The following PCDHGB3 variants were observed in gnomAD, a reference collection of about 807,000 sequenced individuals.
The protein encoded by PCDHGB3 is protocadherin gamma-B3.
In PCDHGB3, 40 loss-of-function variants were observed where a neutral mutation model predicts 59.2. The observed-to-expected ratio is 0.68, with a 90% confidence interval of 0.52 to 0.88. The LOEUF (loss-of-function observed/expected upper bound fraction) is 0.88. PCDHGB3 is among the 40% of genes least tolerant of loss of function. The probability of loss-of-function intolerance (pLI) is 0.00; values close to 1 mark genes in which losing one functional copy is unlikely to be tolerated. For synonymous variants in PCDHGB3, 581 were observed against 503.6 expected (o/e 1.15, Z -2.06); for missense variants, 1,309 against 1,187.9 (o/e 1.10, Z -1.50).
At chr5:141,480,511 A>G (rs2099520888) in intron 1 of PCDHGB3, among the ~76,000 whole-genome samples, 1 of 127,378 alleles carries the variant, frequency 7.9e-6, no homozygotes, top group African/African-American at 3.6e-5. Context: ...ATATGAGAAC[A>G]ACCAAAAATG....
chr5:141,413,262 G>A (rs2095621152), intron 1 of PCDHGB3: 2 of 1,613,960 alleles, frequency 1.2e-6, no homozygotes, highest in South Asian at 1.1e-5. Context: ...TTCCATGGGA[G>A]GCTGGAGCCC....
intron 1 of PCDHGB3, among the ~76,000 whole-genome samples, chr5:141,437,076 A>G (rs1018228245): frequency 6.6e-6 from 1 of 152,236 alleles, no homozygotes; most frequent in African/African-American, 2.4e-5. Flanking sequence ...TTTGGGCCAT[A>G]TAAGAATTGA....
At chr5:141,458,308 A>G (rs1363472724) in intron 1 of PCDHGB3, among the ~76,000 whole-genome samples, 1 of 152,196 alleles carries the variant, frequency 6.6e-6, no homozygotes, top group Non-Finnish European at 1.5e-5. Context: ...AGATAAAATG[A>G]CACAGACACA....
Position 141,487,830 on chromosome 5 carries a change from T to C in PCDHGB3, c.2416-6977T>C, listed in dbSNP as rs1410090651. On this transcript the variant is annotated intron_variant, in intron 1 of 3. Transcript: ENST00000576222. This position sits in a 1 kb window ranked among gnomAD's most constrained non-coding sequence, Gnocchi z 5.0. ...TTTAGCATTGGGGGCGGGTCATGCC[T>C]ATATCTGAGTAAGAAATGAAAGTAA... The C allele has an allele frequency of 3.5e-6, 4 of 1,139,942 alleles. No homozygotes were observed. The highest frequency in any genetic ancestry group is 1.6e-5 in the African/African-American group (1 of 63,734). The allele number at this position is 1,139,942 out of a possible 1,614,324, so 70.6% of individuals were successfully genotyped here.
intron 1 of PCDHGB3, among the ~76,000 whole-genome samples, chr5:141,464,885 G>T (rs1592925315): frequency 6.6e-6 from 1 of 152,020 alleles, no homozygotes; most frequent in East Asian, 1.9e-4. Flanking sequence ...ACTACAGATG[G>T]ATGCCACCAT....
rs756252337 is a variant in PCDHGB3, at chr5:141,413,183, C to T, written c.2415+40374C>T. The T allele has an allele frequency of 3.7e-6, 6 of 1,605,222 alleles. No individual in the cohort carries two copies. The Admixed American group carries it at 1.0e-4, about 27-fold the overall frequency. Reference sequence around the variant, plus strand: ...TTCTGTAACCAGACTACAATGGCCGCTCAAAGGAATCGCTCAAAGGAATCA... The same window carrying T: ...TTCTGTAACCAGACTACAATGGCCGTTCAAAGGAATCGCTCAAAGGAATCA... On this transcript the variant is annotated intron_variant, in intron 1 of 3. Transcript: ENST00000576222.
chr5:141,505,343 G>C (rs2099845454), intron 2 of PCDHGB3, 50 bp from the exon 3 acceptor site: 1 of 1,612,934 alleles, frequency 6.2e-7, no homozygotes, highest in Non-Finnish European at 8.5e-7. Context: ...GGAGGGGCAT[G>C]AGCTGTGCCG....
rs1377364370 is a variant in PCDHGB3, at chr5:141,477,489, C to T, written c.2416-17318C>T. 1 of 1,614,048 alleles carries T rather than the reference C, an allele frequency of 6.2e-7. No homozygotes were observed. Among genetic ancestry groups the T allele is most frequent in the Non-Finnish European group, 8.5e-7 (1 of 1,180,044 alleles). On this transcript the variant is annotated intron_variant, in intron 1 of 3. Coordinates refer to ENST00000576222, the MANE Select transcript of PCDHGB3 (RefSeq NM_018924.5). This position sits in a 1 kb window ranked among gnomAD's most constrained non-coding sequence, Gnocchi z 4.9. ...ATCAATGACAACCCTCCACAATCTT[C>T]TCAATCTTCCTACGACGTTTACATT...
Position 141,478,335 on chromosome 5 carries a change from C to T in PCDHGB3, c.2416-16472C>T, listed in dbSNP as rs202213361. On this transcript the variant is annotated intron_variant, in intron 1 of 3. Coordinates refer to ENST00000576222, the MANE Select transcript of PCDHGB3 (RefSeq NM_018924.5). ...AGCTCACTGTACCGAACACCAGGGC[C>T]CTCCTTGCACGCGGACGCCGTGCGG... 4.7e-5 allele frequency: 76 copies of T among 1,613,822 alleles called. No individual in the cohort carries two copies. The highest frequency in any genetic ancestry group is 6.1e-5 in the Non-Finnish European group (72 of 1,180,028).
At chr5:141,428,241 A>C (rs1416124194) in intron 1 of PCDHGB3, 1 of 961,518 alleles carries the variant, frequency 1.0e-6, no homozygotes, top group Admixed American at 2.0e-5. Flanking sequence ...TGCAGGAGGC[A>C]CTGCCAGACT....
chr5:141,397,379 T>C (rs1470838357), intron 1 of PCDHGB3, among the ~76,000 whole-genome samples: 1 of 152,206 alleles, frequency 6.6e-6, no homozygotes, highest in East Asian at 1.9e-4. Context: ...TGGGGATTGG[T>C]ATAAAATTGC....
At chr5:141,461,190 T>C (rs2099010725) in intron 1 of PCDHGB3, among the ~76,000 whole-genome samples, 1 of 152,142 alleles carries the variant, frequency 6.6e-6, no homozygotes, top group Non-Finnish European at 1.5e-5. Context: ...TAGATCTGTT[T>C]TTTGCTCTTT....
intron 1 of PCDHGB3, among the ~76,000 whole-genome samples, chr5:141,401,385 T>A (rs965055223): frequency 6.6e-6 from 1 of 152,182 alleles, no homozygotes; most frequent in Non-Finnish European, 1.5e-5. Flanking sequence ...AGAAAAATAC[T>A]ACATGTTATG....
intron 1 of PCDHGB3, among the ~76,000 whole-genome samples, chr5:141,481,675 C>T (rs943204061): frequency 4.0e-5 from 6 of 151,490 alleles, no homozygotes; most frequent in Non-Finnish European, 5.9e-5. Context: ...AAAATCAGGC[C>T]GGGCCTGGTG....
chr5:141,447,966 A>C (rs2098556806), intron 1 of PCDHGB3, among the ~76,000 whole-genome samples: 1 of 151,922 alleles, frequency 6.6e-6, no homozygotes, highest in Non-Finnish European at 1.5e-5. Context: ...GACACCTATA[A>C]TCCCAGCTAC....
At chr5:141,374,714 G>A (rs1236113306) in intron 1 of PCDHGB3, 1 of 1,609,850 alleles carries the variant, frequency 6.2e-7, no homozygotes, top group Middle Eastern at 1.7e-4. Flanking sequence ...TTACCGCCTG[G>A]TCCTTACTGC....
At chr5:141,404,495 T>A in intron 1 of PCDHGB3, 1 of 1,613,920 alleles carries the variant, frequency 6.2e-7, no homozygotes, top group South Asian at 1.1e-5. Context: ...TGGTGTGCTG[T>A]ATGCTCTGTG....
intron 1 of PCDHGB3, among the ~76,000 whole-genome samples, chr5:141,454,250 C>T (rs1453631901): frequency 6.6e-6 from 1 of 151,974 alleles, no homozygotes; most frequent in African/African-American, 2.4e-5. Context: ...TGAAGATGTC[C>T]CAGAGAAAGT....
chr5:141,504,161 T>C (rs931754061), intron 2 of PCDHGB3, among the ~76,000 whole-genome samples: 1 of 152,196 alleles, frequency 6.6e-6, no homozygotes, highest in Non-Finnish European at 1.5e-5. Context: ...AATAATTTCA[T>C]CCTTGGAAAT....
Sources: gnomAD v4.1 joint callset for allele counts (sites outside exome capture counted in the v4.1 genomes callset) on GRCh38, gnomAD v4.1.1 for gene constraint, Gnocchi (gnomAD v3.1) non-coding constraint, MANE v1.5 for transcripts, NCBI Gene and HGNC (gene_info 2026-07-23, HGNC 2026-07-21) for gene names.